The following LRRTM4 variants were observed in gnomAD, a reference collection of about 807,000 sequenced individuals.
LRRTM4 encodes the protein leucine-rich repeat transmembrane neuronal protein 4.
A neutral mutation model predicts 47.6 loss-of-function variants in LRRTM4; 25 were observed. The ratio of observed to expected loss-of-function variants is 0.53; its 90% CI spans 0.38 to 0.73. LRRTM4 has a LOEUF of 0.73. LRRTM4 is among the 30% of genes least tolerant of loss of function. The pLI is 0.00. For synonymous variants in LRRTM4, 311 were observed against 269.5 expected, an observed-to-expected ratio of 1.15 and a Z score of -1.51; for missense variants, 638 against 713.4, an observed-to-expected ratio of 0.89 and a Z score of 1.20.
chr2:76,806,047 A>G (rs571154982), intron 3 of LRRTM4, among the ~76,000 whole-genome samples: 6 of 152,292 alleles, frequency 3.9e-5, no homozygotes, highest in East Asian at 3.9e-4. Flanking sequence ...TACAGCTACA[A>G]TCAACGAAAC....
intron 3 of LRRTM4, among the ~76,000 whole-genome samples, chr2:77,028,438 A>C (rs1458246871): frequency 2.6e-5 from 4 of 152,206 alleles, no homozygotes; most frequent in Non-Finnish European, 5.9e-5. Context: ...GGAAAATCCC[A>C]AGAGAGTATA....
chr2:77,065,748 A>G (rs906570378), intron 3 of LRRTM4, among the ~76,000 whole-genome samples: 4 of 152,126 alleles, frequency 2.6e-5, no homozygotes, highest in East Asian at 1.9e-4. Context: ...TGTTAATCTT[A>G]TTTGAGTCTC....
chr2:76,990,979 T>C (rs1676985407), intron 3 of LRRTM4, among the ~76,000 whole-genome samples: 1 of 151,138 alleles, frequency 6.6e-6, no homozygotes, highest in African/African-American at 2.4e-5. Context: ...AAAACAGAAA[T>C]CAATAACAAG....
intron 3 of LRRTM4, among the ~76,000 whole-genome samples, chr2:76,839,651 C>G (rs574968173): frequency 6.6e-6 from 1 of 151,952 alleles, no homozygotes; most frequent in Non-Finnish European, 1.5e-5. Flanking sequence ...ATTATTCAAA[C>G]ATAGCTTTTC....
At chr2:76,857,531 C>A (rs1672191177) in intron 3 of LRRTM4, among the ~76,000 whole-genome samples, 1 of 151,884 alleles carries the variant, frequency 6.6e-6, no homozygotes, top group East Asian at 1.9e-4. Context: ...GAATTGACAA[C>A]ACTAACCCCC....
At chr2:77,501,076 A>C (rs1377387175) in intron 3 of LRRTM4, among the ~76,000 whole-genome samples, 2 of 151,162 alleles carry the variant, frequency 1.3e-5, no homozygotes, top group African/African-American at 2.4e-5. Context: ...AAAAGGCAAT[A>C]GAAAACAAGA....
intron 3 of LRRTM4, among the ~76,000 whole-genome samples, chr2:77,343,129 C>A (rs945147448): frequency 6.6e-6 from 1 of 151,790 alleles, no homozygotes; most frequent in Non-Finnish European, 1.5e-5. Flanking sequence ...TAAGTAGAAA[C>A]ATTTCAACCT....
At chr2:76,832,914 A>G (rs1484685277) in intron 3 of LRRTM4, among the ~76,000 whole-genome samples, 2 of 152,148 alleles carry the variant, frequency 1.3e-5, no homozygotes, top group Admixed American at 1.3e-4. Context: ...TACAGGACCC[A>G]GAGGAATTAT....
intron 3 of LRRTM4, among the ~76,000 whole-genome samples, chr2:77,476,570 C>A (rs891176631): frequency 6.6e-6 from 1 of 151,836 alleles, no homozygotes; most frequent in Non-Finnish European, 1.5e-5. Context: ...GTAGAAACTA[C>A]GAATTGTAGT....
chr2:76,856,977 C>G (rs1011810615), intron 3 of LRRTM4, among the ~76,000 whole-genome samples: 7 of 151,828 alleles, frequency 4.6e-5, no homozygotes, highest in African/African-American at 1.7e-4. Context: ...TATCAATTTA[C>G]TAACAAAATA....
chr2:77,334,936 G>A (rs1042959925), intron 3 of LRRTM4, among the ~76,000 whole-genome samples: 2 of 152,084 alleles, frequency 1.3e-5, no homozygotes, highest in African/African-American at 4.8e-5. Flanking sequence ...ATGCTTGTAT[G>A]CCTAGCATAT....
intron 3 of LRRTM4, among the ~76,000 whole-genome samples, chr2:77,273,763 C>T (rs548420049): frequency 1.4e-4 from 21 of 152,110 alleles, no homozygotes; most frequent in East Asian, 5.8e-4. Context: ...TGATTTTTGA[C>T]GCCATTTAGA....
At chr2:77,075,196 A>G (rs1414722809) in intron 3 of LRRTM4, among the ~76,000 whole-genome samples, 1 of 152,214 alleles carries the variant, frequency 6.6e-6, no homozygotes. Flanking sequence ...TATAGATGTT[A>G]CACCCTTTCA....
chr2:77,014,084 A>T (rs1424945211), intron 3 of LRRTM4, among the ~76,000 whole-genome samples: 4 of 152,294 alleles, frequency 2.6e-5, no homozygotes, highest in Non-Finnish European at 5.9e-5. Context: ...AATATGATCA[A>T]ATCTGCATGA....
Position 76,755,960 on chromosome 2 carries a change from A to G in LRRTM4, c.1552-7044T>C, listed in dbSNP as rs541437571. On this transcript the variant is annotated intron_variant, in intron 3 of 3. Transcript: ENST00000409884. The stretch of plus-strand genomic sequence containing the variant: ...TTATACCCACTCCCTGGGGAAGTTT[A>G]AACACAATTGACCAGCATTAATGTT... 8.5e-5 allele frequency among the ~76,000 whole-genome samples: 13 copies of G among 152,300 alleles called. No homozygotes were observed. In the South Asian group the frequency reaches 2.5e-3, roughly 29 times the overall value.
intron 3 of LRRTM4, among the ~76,000 whole-genome samples, chr2:76,780,422 TCA>T (rs1303454009): frequency 1.3e-5 from 2 of 152,184 alleles, no homozygotes; most frequent in African/African-American, 4.8e-5. Flanking sequence ...TTTGGTCTTT[TCA>T]CATAGTCCCA....
intron 3 of LRRTM4, among the ~76,000 whole-genome samples, chr2:76,809,573 C>T (rs1670666439): frequency 6.6e-6 from 1 of 152,152 alleles, no homozygotes; most frequent in Non-Finnish European, 1.5e-5. Flanking sequence ...TAATTCTTGT[C>T]TTGTCTATGA....
At chr2:77,242,896 GT>G (rs1675309028) in intron 3 of LRRTM4, among the ~76,000 whole-genome samples, 1 of 152,048 alleles carries the variant, frequency 6.6e-6, no homozygotes, top group Non-Finnish European at 1.5e-5. Flanking sequence ...AACTGTTAGA[GT>G]GGTCTTGAAA....
intron 3 of LRRTM4, among the ~76,000 whole-genome samples, chr2:76,886,682 C>T (rs1673086122): frequency 6.6e-6 from 1 of 151,900 alleles, no homozygotes; most frequent in African/African-American, 2.4e-5. Flanking sequence ...AACTCTCCTA[C>T]ATATTTTTAA....
Sources: gnomAD v4.1 joint callset for allele counts (sites outside exome capture counted in the v4.1 genomes callset) on GRCh38, gnomAD v4.1.1 for gene constraint, MANE v1.5 for transcripts, NCBI Gene and HGNC (gene_info 2026-07-23, HGNC 2026-07-21) for gene names.